The following RPH3A variants were observed in gnomAD, a reference collection of about 807,000 sequenced individuals.
RPH3A encodes the protein rabphilin-3A.
RPH3A carries 48 observed loss-of-function variants against 102.2 expected under a neutral mutation model. The observed-to-expected ratio is 0.47, with a 90% CI of 0.37 to 0.60. The LOEUF (loss-of-function observed/expected upper bound fraction) is 0.60. Among genes scored for constraint, RPH3A ranks in the 20% least tolerant of loss-of-function variants. The pLI, the probability that RPH3A is intolerant of heterozygous loss-of-function variation, is 0.00. For synonymous variants in RPH3A, 310 were observed against 324.3 expected (o/e 0.96, Z 0.47); for missense variants, 781 against 910.1 (o/e 0.86, Z 1.83).
At chr12:112,881,594 G>A (rs2042913240) in intron 14 of RPH3A, among the ~76,000 whole-genome samples, 178 bp from the exon 15 acceptor site, 1 of 152,230 alleles carries the variant, frequency 6.6e-6, no homozygotes, top group Non-Finnish European at 1.5e-5. Context: ...TTAAAACCCT[G>A]TCTCCCATCC....
chr12:112,729,683 A>C (rs1352185541), intron 1 of RPH3A, among the ~76,000 whole-genome samples: 2 of 152,204 alleles, frequency 1.3e-5, no homozygotes, highest in Non-Finnish European at 2.9e-5. Context: ...CATAACTCGT[A>C]ATCCAGTTAG....
intron 1 of RPH3A, among the ~76,000 whole-genome samples, chr12:112,684,232 G>A (rs73196535): frequency 0.058 from 8,894 of 152,136 alleles, 336 homozygotes; most frequent in Non-Finnish European, 0.087. Context: ...AAACATATGA[G>A]AATATCTATT....
intron 1 of RPH3A, among the ~76,000 whole-genome samples, chr12:112,677,377 TCCTCCCTCCCTC>T: frequency 7.6e-5 from 1 of 13,192 alleles, no homozygotes; most frequent in African/African-American, 2.7e-4. Context: ...CTCCTTCCCT[TCCTCCCTCCCTC>T]CCTCCCTCCC....
chr12:112,693,598 C>T (rs1414718713), intron 1 of RPH3A, among the ~76,000 whole-genome samples: 1 of 152,170 alleles, frequency 6.6e-6, no homozygotes, highest in Non-Finnish European at 1.5e-5. Flanking sequence ...CCATCTGTTC[C>T]CTCTTCAAGG....
intron 1 of RPH3A, among the ~76,000 whole-genome samples, chr12:112,743,489 T>A (rs1158490944): frequency 1.3e-5 from 2 of 152,234 alleles, no homozygotes; most frequent in African/African-American, 4.8e-5. Flanking sequence ...TCTGCAAGCA[T>A]GTCTGCTCCC....
rs867344206 is a variant in RPH3A, at chr12:112,876,698, G to A, written c.1003G>A (p.Gly335Arg). 2 of 1,613,556 alleles carry A rather than the reference G, an allele frequency of 1.2e-6. No homozygotes were observed. Among genetic ancestry groups the A allele is most frequent in the Non-Finnish European group, 1.7e-6 (2 of 1,179,780 alleles). The part of the protein sequence containing the change: ...TAPPREERTG[G>R]VGGYPAVGAR... ...CCCACCCCGAGAGGAGAGAACAGGGGGAGTCGGGGGCTACCCAGCAGTTGG... is the reference window on the plus strand; with the variant it reads ...CCCACCCCGAGAGGAGAGAACAGGGAGAGTCGGGGGCTACCCAGCAGTTGG... Residue 335 changes from glycine to arginine, a missense_variant, in exon 13 of 22, where the codon GGA becomes AGA. Coordinates refer to ENST00000389385, the MANE Select transcript of RPH3A (RefSeq NM_001143854.2).
intron 2 of RPH3A, among the ~76,000 whole-genome samples, chr12:112,806,570 A>T (rs113848707): frequency 0.044 from 6,625 of 152,142 alleles, 466 homozygotes; most frequent in African/African-American, 0.15. Context: ...TGGAGGTTGT[A>T]ATGAGTCGAG....
chr12:112,852,857 T>A (rs1468709467), intron 5 of RPH3A, among the ~76,000 whole-genome samples: 1 of 152,202 alleles, frequency 6.6e-6, no homozygotes, highest in African/African-American at 2.4e-5. Context: ...TTTATCCTTA[T>A]TATATTTCTC....
chr12:112,590,043 A>G lies in RPH3A; in HGVS notation c.-140+14724A>G, dbSNP rs1247412834. Among the ~76,000 whole-genome samples the G allele has an allele frequency of 2.6e-5, 4 of 151,190 alleles. No individual in the cohort carries two copies. The East Asian group carries it at 7.7e-4, about 29-fold the overall frequency. ...GGTTGCAGTGAGCTGAGATCATGCC[A>G]CTGTACTCCAGCCTGGGTGACAGAG... On this transcript the variant is annotated intron_variant, in intron 1 of 21. Transcript: ENST00000543106.
chr12:112,732,869 C>A (rs2040644022), intron 1 of RPH3A, among the ~76,000 whole-genome samples: 1 of 152,122 alleles, frequency 6.6e-6, no homozygotes, highest in Non-Finnish European at 1.5e-5. Flanking sequence ...CCATCAAAAC[C>A]CTCAGTAGAT....
chr12:112,797,541 C>A (rs2041256503), intron 2 of RPH3A, among the ~76,000 whole-genome samples: 1 of 152,226 alleles, frequency 6.6e-6, no homozygotes, highest in Non-Finnish European at 1.5e-5. Context: ...CCCTGCTAAC[C>A]TCAGACAATT....
intron 1 of RPH3A, among the ~76,000 whole-genome samples, chr12:112,582,359 C>T (rs1030532615): frequency 1.4e-5 from 2 of 147,378 alleles, no homozygotes; most frequent in East Asian, 2.0e-4. Flanking sequence ...AATTCTCCCA[C>T]ATCCGCCTGC....
rs149650638 is a variant in RPH3A, at chr12:112,868,439, C to T, written c.454C>T (p.Arg152Cys). Residue 152 changes from arginine (R) to cysteine (C), a missense_variant, in exon 8 of 22, where the codon CGT becomes TGT. Coordinates refer to ENST00000389385, the MANE Select transcript of RPH3A (RefSeq NM_001143854.2). ...GTCTCTCCTCCCCAAGGTGTGGAAG[C>T]GTTCTGGAGCGTGGTTCTTCAAAGG... ...ICIEQREVWK[R>C]SGAWFFKGFP... 3.6e-5 allele frequency: 58 copies of T among 1,613,722 alleles called. No individual in the cohort carries two copies. Among genetic ancestry groups the T allele is most frequent in the African/African-American group, 3.5e-4 (26 of 74,886 alleles).
At position 112,895,811 on chromosome 12, in the gene RPH3A, C is replaced by T. The variant is rs2043170309; in HGVS notation, c.1892C>T (p.Ala631Val). 1.2e-6 allele frequency: 2 copies of T among 1,613,758 alleles called. No homozygotes were observed. Among genetic ancestry groups the T allele is most frequent in the Admixed American group, 1.7e-5 (1 of 60,004 alleles). The change falls in exon 21 of 22, where the codon GCA becomes GTA. Residue 631 changes from alanine to valine, a missense_variant. By Grantham distance (64) the Ala-to-Val change is moderately conservative. This residue lies in a region of RPH3A where 51 missense variants were observed against 100.1 expected (regional missense o/e 0.51). Transcript: ENST00000389385. ...FFYDIKHSDL[A>V]KKSLDISVWD... ...TATGACATCAAACACAGTGACCTGGCAAAGAAGTCACTGGACATTTCAGTC... is the reference window on the plus strand; with the variant it reads ...TATGACATCAAACACAGTGACCTGGTAAAGAAGTCACTGGACATTTCAGTC...
chr12:112,674,971 T>A (rs1464891976), intron 1 of RPH3A, among the ~76,000 whole-genome samples: 1 of 152,168 alleles, frequency 6.6e-6, no homozygotes, highest in African/African-American at 2.4e-5. Context: ...ACTAAAGGAT[T>A]CTGACGATAA....
rs886205006 is a variant in RPH3A at position 112,631,522 on chromosome 12, AT to A, written c.-140+56213del. Reference sequence around the variant, plus strand: ...GTATAAATTTATTTTCTTATTAAAAATTTTTTTTTTGAGACAGGGTCTCTGT... The same window carrying A: ...GTATAAATTTATTTTCTTATTAAAAATTTTTTTTTGAGACAGGGTCTCTGT... On this transcript the variant is annotated intron_variant, in intron 1 of 21. Transcript: ENST00000543106. 1.5e-3 allele frequency among the ~76,000 whole-genome samples: 219 copies of A among 150,306 alleles called. 1 individual carries two copies. The highest frequency in any genetic ancestry group is 4.9e-3 in the African/African-American group (202 of 41,056).
intron 1 of RPH3A, among the ~76,000 whole-genome samples, chr12:112,780,573 C>T (rs894372986): frequency 6.6e-6 from 1 of 152,138 alleles, no homozygotes; most frequent in Non-Finnish European, 1.5e-5. Context: ...ATTTTCATGA[C>T]GATTTTTATT....
At position 112,743,679 on chromosome 12, in the gene RPH3A, G is replaced by GT. The variant is rs552108908; in HGVS notation, c.-139-48455dup. Among the ~76,000 whole-genome samples, 479 of 151,654 alleles carry GT rather than the reference G, an allele frequency of 3.2e-3. 1 individual carries two copies. The highest frequency in any genetic ancestry group is 4.8e-3 in the Non-Finnish European group (323 of 67,880). The stretch of plus-strand genomic sequence containing the variant: ...AGTACATCTTGAATAGGAGTTTAGG[G>GT]TTTTTTTTTCCCCCCAAGGGCAATA... On this transcript the variant is annotated intron_variant, in intron 1 of 21. Coordinates refer to the RPH3A transcript ENST00000543106.
At chr12:112,694,841 C>G (rs1225081435) in intron 1 of RPH3A, among the ~76,000 whole-genome samples, 5 of 152,178 alleles carry the variant, frequency 3.3e-5, no homozygotes, top group Non-Finnish European at 5.9e-5. Flanking sequence ...CCATAGGGCT[C>G]TAGTTAAATG....
Sources: allele counts gnomAD v4.1 joint callset (sites outside exome capture counted in the v4.1 genomes callset), GRCh38; gene constraint gnomAD v4.1.1; regional missense constraint gnomAD v4.1.1; transcripts MANE v1.5; gene names NCBI Gene and HGNC (gene_info 2026-07-23, HGNC 2026-07-21).